PRKN: variants seen among roughly 807,000 people sequenced by gnomAD.
PRKN encodes the protein parkin RBR E3 ubiquitin protein ligase.
A neutral mutation model predicts 59.5 loss-of-function variants in PRKN; 56 were observed. That is an observed-to-expected ratio of 0.94 (90% CI 0.76 to 1.18). The LOEUF is 1.18. Ranked by LOEUF, PRKN falls within the 50% of genes most tolerant of loss-of-function variation. PRKN has a pLI of 0.00. For synonymous variants in PRKN, 250 were observed against 222.1 expected (o/e 1.13, Z -1.12); for missense variants, 657 against 596.4 (o/e 1.10, Z -1.06).
intron 2 of PRKN, among the ~76,000 whole-genome samples, chr6:162,283,555 TC>T: frequency 1.3e-5 from 2 of 152,360 alleles, no homozygotes; most frequent in East Asian, 3.9e-4. Flanking sequence ...ACAGTCTTGC[TC>T]TGTCGCCCAG....
At chr6:161,684,908 T>A (rs981950067) in intron 7 of PRKN, among the ~76,000 whole-genome samples, 2 of 152,122 alleles carry the variant, frequency 1.3e-5, no homozygotes, top group Non-Finnish European at 2.9e-5. Flanking sequence ...ACACCACATC[T>A]CCATCTATTT....
At chr6:162,034,934 G>A (rs1412810683) in intron 5 of PRKN, among the ~76,000 whole-genome samples, 4 of 152,138 alleles carry the variant, frequency 2.6e-5, no homozygotes, top group African/African-American at 9.7e-5. Flanking sequence ...CTTTTGCATT[G>A]CTATAAAGGC....
At position 161,471,009 on chromosome 6, in the gene PRKN, T is replaced by C. The variant is rs955919591; in HGVS notation, c.1083+77845A>G. On this transcript the variant is annotated intron_variant, in intron 9 of 11. Transcript: ENST00000366898. This position sits in a 1 kb window ranked among gnomAD's most constrained non-coding sequence, Gnocchi z 4.5. Reference sequence around the variant, plus strand: ...GGCCTCTAAGGTCCTTATGAAGGTGTACTCCTTAAGGTAAGAGGATAGCAT... The same window carrying C: ...GGCCTCTAAGGTCCTTATGAAGGTGCACTCCTTAAGGTAAGAGGATAGCAT... Among the ~76,000 whole-genome samples, 6 of 152,194 alleles carry C rather than the reference T, an allele frequency of 3.9e-5. No homozygotes were observed. Among genetic ancestry groups the C allele is most frequent in the African/African-American group, 1.4e-4 (6 of 41,450 alleles).
rs753218152 is a variant in PRKN, at chr6:161,369,581, T to C, written c.1168-9376A>G. On this transcript the variant is annotated intron_variant, in intron 10 of 11. Coordinates refer to ENST00000366898, the MANE Select transcript of PRKN (RefSeq NM_004562.3). The surrounding 1 kb of genome is among the most constrained non-coding windows in gnomAD (Gnocchi z 5.8). ...ATAAAGTGTGGCTCTCACGGGGCAGTGTAACTGTTAGGTAATTGCATAGAA... is the reference window on the plus strand; with the variant it reads ...ATAAAGTGTGGCTCTCACGGGGCAGCGTAACTGTTAGGTAATTGCATAGAA... Among the ~76,000 whole-genome samples the C allele has an allele frequency of 2.6e-5, 4 of 152,102 alleles. No individual in the cohort carries two copies. Among genetic ancestry groups the C allele is most frequent in the Non-Finnish European group, 4.4e-5 (3 of 68,026 alleles).
At position 161,550,723 on chromosome 6, in the gene PRKN, ATGTGTGTGTGTGCACGTG is replaced by A. The variant is rs1554275138; in HGVS notation, c.934-1738_934-1721del. The stretch of plus-strand genomic sequence containing the variant: ...GGACAACTGTGGTAGAAGAAAGGGT[ATGTGTGTGTGTGCACGTG>A]TGTGTGTGTGTGTGTGTGTGTAGGG... On this transcript the variant is annotated intron_variant, in intron 8 of 11. Coordinates refer to ENST00000366898, the MANE Select transcript of PRKN (RefSeq NM_004562.3). The surrounding 1 kb of genome is among the most constrained non-coding windows in gnomAD (Gnocchi z 4.0). 1.7e-5 allele frequency among the ~76,000 whole-genome samples: 2 copies of A among 119,468 alleles called. No homozygotes were observed. Among genetic ancestry groups the A allele is most frequent in the South Asian group, 2.5e-4 (1 of 4,050 alleles). 78.4% of individuals were successfully genotyped at this position (119,468 alleles called of 152,430 possible). A position where few individuals can be genotyped will look rare whatever the true frequency, so the allele number is the denominator to read the frequency against.
intron 3 of PRKN, among the ~76,000 whole-genome samples, chr6:162,234,683 T>C (rs1342988340): frequency 6.6e-6 from 1 of 152,224 alleles, no homozygotes; most frequent in Non-Finnish European, 1.5e-5. Context: ...ATGTTTTATA[T>C]TTATTGTTAT....
intron 1 of PRKN, among the ~76,000 whole-genome samples, chr6:162,686,255 TCCAGCTGACCCTATGGTGC>T (rs1262298047): frequency 6.6e-6 from 1 of 152,174 alleles, no homozygotes; most frequent in East Asian, 1.9e-4. Flanking sequence ...GTCAGATTCT[TCCAGCTGACCCTATGGTGC>T]CCAGCTGGCT....
chr6:162,371,468 C>G (rs1020318100), intron 2 of PRKN, among the ~76,000 whole-genome samples: 1 of 152,074 alleles, frequency 6.6e-6, no homozygotes, highest in Non-Finnish European at 1.5e-5. Flanking sequence ...ACTTTCAAAC[C>G]CGGCTTTCTC....
At chr6:162,011,474 TA>T (rs1293153769) in intron 5 of PRKN, among the ~76,000 whole-genome samples, 2 of 14,634 alleles carry the variant, frequency 1.4e-4, no homozygotes, top group African/African-American at 4.8e-4. Flanking sequence ...TTATAATATA[TA>T]ATATATTATA....
intron 7 of PRKN, among the ~76,000 whole-genome samples, chr6:161,645,979 G>T (rs1207100101): frequency 4.6e-5 from 6 of 129,994 alleles, no homozygotes; most frequent in Admixed American, 7.8e-5. Context: ...AGTGGTCACT[G>T]CGTGTGCGTG....
At chr6:161,797,180 C>G (rs1356862918) in intron 6 of PRKN, among the ~76,000 whole-genome samples, 1 of 152,148 alleles carries the variant, frequency 6.6e-6, no homozygotes, top group African/African-American at 2.4e-5. Flanking sequence ...AATTGTGTAC[C>G]GGTTTTTCAT....
At chr6:161,426,963 C>T (rs1476968930) in intron 9 of PRKN, among the ~76,000 whole-genome samples, 1 of 152,060 alleles carries the variant, frequency 6.6e-6, no homozygotes. Flanking sequence ...TTGTGATCTG[C>T]CCACCTCAGC....
intron 4 of PRKN, among the ~76,000 whole-genome samples, chr6:162,058,055 T>C (rs928323266): frequency 2.0e-5 from 3 of 152,220 alleles, no homozygotes; most frequent in Admixed American, 6.5e-5. Context: ...TCTCTGTAGG[T>C]TGTGATTTGT....
chr6:162,537,203 C>A lies in PRKN; in HGVS notation c.8-93730G>T, dbSNP rs559804280. Among the ~76,000 whole-genome samples, 4 of 152,204 alleles carry A rather than the reference C, an allele frequency of 2.6e-5. No homozygotes were observed. In the South Asian group the frequency reaches 8.3e-4, roughly 32 times the overall value. Reference sequence around the variant, plus strand: ...TCAAAACTATTAAACAGCAAAATATCTGACACACAGTAGCTAATCAATACA... The same window carrying A: ...TCAAAACTATTAAACAGCAAAATATATGACACACAGTAGCTAATCAATACA... On this transcript the variant is annotated intron_variant, in intron 1 of 11. Transcript: ENST00000366898.
At chr6:162,719,456 A>G (rs1272755564) in intron 1 of PRKN, among the ~76,000 whole-genome samples, 1 of 152,110 alleles carries the variant, frequency 6.6e-6, no homozygotes, top group East Asian at 1.9e-4. Context: ...TTATTCTTAA[A>G]TCTGTCTAAT....
At chr6:161,585,531 C>G (rs896076440) in intron 7 of PRKN, among the ~76,000 whole-genome samples, 13 of 152,232 alleles carry the variant, frequency 8.5e-5, no homozygotes, top group Non-Finnish European at 1.9e-4. Flanking sequence ...ATATTCACAT[C>G]TCAAATTTTG....
At chr6:162,251,764 G>A (rs1173081278) in intron 3 of PRKN, among the ~76,000 whole-genome samples, 1 of 152,064 alleles carries the variant, frequency 6.6e-6, no homozygotes, top group Non-Finnish European at 1.5e-5. Context: ...TCAGTAATTT[G>A]GAATTGAATT....
At chr6:162,656,168 G>A (rs1038251368) in intron 1 of PRKN, among the ~76,000 whole-genome samples, 3 of 152,192 alleles carry the variant, frequency 2.0e-5, no homozygotes, top group African/African-American at 7.2e-5. Flanking sequence ...AGCAGTTACA[G>A]AAACATTCTC....
At chr6:161,867,755 T>TTATTTATTTATGTATG (rs1237591149) in intron 6 of PRKN, among the ~76,000 whole-genome samples, 1 of 149,066 alleles carries the variant, frequency 6.7e-6, no homozygotes, top group African/African-American at 2.5e-5. Context: ...ATTTATTTAT[T>TTATTTATTTATGTATG]TATTTATTTA....
Sources: allele counts gnomAD v4.1 joint callset (sites outside exome capture counted in the v4.1 genomes callset), GRCh38; gene constraint gnomAD v4.1.1; non-coding constraint Gnocchi (gnomAD v3.1); transcripts MANE v1.5; gene names NCBI Gene and HGNC (gene_info 2026-07-23, HGNC 2026-07-21).